DICER1: variants seen among roughly 807,000 people sequenced by gnomAD.
DICER1 encodes the protein endoribonuclease Dicer.
A neutral mutation model predicts 194.1 loss-of-function variants in DICER1; 43 were observed. The ratio of observed to expected loss-of-function variants is 0.22; its 90% CI spans 0.17 to 0.29. The LOEUF is 0.29. Ranked by LOEUF, DICER1 falls within the 10% of genes least tolerant of loss-of-function variation. The probability of loss-of-function intolerance (pLI) is 1.00; values close to 1 mark genes in which losing one functional copy is unlikely to be tolerated. For missense variants in DICER1, 1,608 were observed against 2,317.0 expected (o/e 0.69, Z 6.28); for synonymous variants, 832 against 820.5 (o/e 1.01, Z -0.24).
intron 21 of DICER1, among the ~76,000 whole-genome samples, chr14:95,101,274 A>G (rs1416741974): frequency 4.6e-5 from 7 of 152,346 alleles, no homozygotes; most frequent in African/African-American, 1.7e-4. Flanking sequence ...AAGGGCCTGA[A>G]CAGCAGGCTG....
chr14:95,126,936 A>G (rs931293207), intron 6 of DICER1, among the ~76,000 whole-genome samples, 188 bp from the exon 7 acceptor site: 2 of 152,032 alleles, frequency 1.3e-5, no homozygotes, highest in Non-Finnish European at 2.9e-5. Context: ...CATATTTCTC[A>G]ACAGTAAATA....
At chr14:95,109,711 T>C (rs1242157334) in intron 14 of DICER1, among the ~76,000 whole-genome samples, 1 of 152,168 alleles carries the variant, frequency 6.6e-6, no homozygotes, top group Non-Finnish European at 1.5e-5. Flanking sequence ...TTTTATAAAG[T>C]AAAAACTTGG....
At chr14:95,112,295 A>C in intron 12 of DICER1, 48 bp from the exon 13 acceptor site, 1 of 1,458,332 alleles carries the variant, frequency 6.9e-7, no homozygotes, top group South Asian at 1.1e-5. Context: ...TCGCTGTATT[A>C]CCTCTAGCAC....
chr14:95,131,668 A>T, intron 3 of DICER1, 29 bp from the exon 4 acceptor site: 1 of 1,609,658 alleles, frequency 6.2e-7, no homozygotes, highest in Non-Finnish European at 8.5e-7. Flanking sequence ...CTCCATGTAA[A>T]TATGAGAAAT....
In DICER1 at chr14:95,106,060, C is replaced by T. The variant is rs1443445976; in HGVS notation, c.2968G>A (p.Val990Met). Reference sequence around the variant, plus strand: ...CCTTACCTTGAAGATGTGTGGTCCACATCCAGCAGTGGCTGGTTGAGATTG... The same window carrying T: ...CCTTACCTTGAAGATGTGTGGTCCATATCCAGCAGTGGCTGGTTGAGATTG... ...LTNLNQPLLD[V>M]DHTSSRLNLL... The change falls in exon 18 of 27, where the codon GTG (valine) becomes ATG (methionine). Residue 990 changes from valine (V) to methionine (M), a missense_variant. Val to Met is a conservative substitution (Grantham distance 21). Transcript: ENST00000343455. 3 of 1,614,074 alleles carry T rather than the reference C, an allele frequency of 1.9e-6. No homozygotes were observed. Among genetic ancestry groups the T allele is most frequent in the Admixed American group, 1.7e-5 (1 of 60,008 alleles).
At chr14:95,111,901 G>A (rs751930367) in intron 13 of DICER1, among the ~76,000 whole-genome samples, 2 of 152,142 alleles carry the variant, frequency 1.3e-5, no homozygotes, top group South Asian at 4.2e-4. Flanking sequence ...CAACAATTAC[G>A]AAAAGACCTT....
At chr14:95,152,696 T>C (rs2140465054) in intron 1 of DICER1, among the ~76,000 whole-genome samples, 1 of 152,362 alleles carries the variant, frequency 6.6e-6, no homozygotes, top group South Asian at 2.1e-4. Context: ...AAAATGCATA[T>C]TGAGGTAACT....
At position 95,108,387 on chromosome 14, in the gene DICER1, C is replaced by T. The variant is rs2140032173; in HGVS notation, c.2373G>A (p.Lys791=). 1 of 1,614,046 alleles carries T rather than the reference C, an allele frequency of 6.2e-7. No individual in the cohort carries two copies. Among genetic ancestry groups the T allele is most frequent in the Non-Finnish European group, 8.5e-7 (1 of 1,180,012 alleles). The change falls in exon 15 of 27, where the codon AAG becomes AAA. Residue 791 remains lysine (K), a synonymous_variant. Transcript: ENST00000343455. Reference sequence around the variant, plus strand: ...TTGTGGTATCTTCAGGAGGATAGAGCTTCCGCCTTCTAAAGTTGAGTTCAT... The same window carrying T: ...TTGTGGTATCTTCAGGAGGATAGAGTTTCCGCCTTCTAAAGTTGAGTTCAT... ...LPDELNFRRR[K]LYPPEDTTRC...
In DICER1 at chr14:95,090,427, T is replaced by A; in HGVS notation, c.*71A>T. On this transcript the variant is annotated 3_prime_UTR_variant, in exon 27 of 27. Coordinates refer to ENST00000343455, the MANE Select transcript of DICER1 (RefSeq NM_177438.3). ...ACTCACTAACAACTTTAAGTCTTCC[T>A]TTCCGATTTAAATAATTTTCCCCTT... 6.4e-7 allele frequency: 1 copy of A among 1,563,002 alleles called. No homozygotes were observed. The highest frequency in any genetic ancestry group is 8.8e-7 in the Non-Finnish European group (1 of 1,136,216).
chr14:95,133,508 A>G lies in DICER1; in HGVS notation c.-45-5T>C. 1 of 1,563,256 alleles carries G rather than the reference A, an allele frequency of 6.4e-7. No homozygotes were observed. The highest frequency in any genetic ancestry group is 2.3e-5 in the East Asian group (1 of 42,800). ...TTTTTGTTCTAGCACAGCTTACTACAAAAGGGAAAAAGAATACCATTACAC... is the reference window on the plus strand; with the variant it reads ...TTTTTGTTCTAGCACAGCTTACTACGAAAGGGAAAAAGAATACCATTACAC... On this transcript the variant is annotated splice_region_variant and splice_polypyrimidine_tract_variant and intron_variant, in intron 1 of 26. Coordinates refer to ENST00000343455, the MANE Select transcript of DICER1 (RefSeq NM_177438.3).
intron 20 of DICER1, among the ~76,000 whole-genome samples, chr14:95,104,787 T>C (rs757835737): frequency 6.6e-6 from 1 of 152,210 alleles, no homozygotes; most frequent in Non-Finnish European, 1.5e-5. Context: ...GCTATTGCTT[T>C]TTAACATATA....
chr14:95,116,620 G>A lies in DICER1; in HGVS notation c.1585C>T (p.Pro529Ser), dbSNP rs2140125325. 1 of 1,613,596 alleles carries A rather than the reference G, an allele frequency of 6.2e-7. No homozygotes were observed. The highest frequency in any genetic ancestry group is 8.5e-7 in the Non-Finnish European group (1 of 1,179,890). ...TSIVEEGVDI[P>S]KCNLVVRFDL... ...AAACGAACCACCAAGTTGCATTTTG[G>A]TATATCAACACCCTCTTCTACAATA... Residue 529 changes from proline to serine, a missense_variant, in exon 10 of 27, where the codon CCA becomes TCA. Pro to Ser is a moderately conservative substitution (Grantham distance 74). Around this residue, in one of 10 missense-constraint regions of DICER1, gnomAD observed 657 missense variants for 910.1 expected, o/e 0.72. Coordinates refer to ENST00000343455, the MANE Select transcript of DICER1 (RefSeq NM_177438.3).
chr14:95,115,584 T>C (rs978937883), intron 11 of DICER1, 83 bp downstream of exon 11: 5 of 1,486,120 alleles, frequency 3.4e-6, no homozygotes, highest in Non-Finnish European at 4.7e-6. Flanking sequence ...AACCGCAAAA[T>C]GTCAACAATA....
chr14:95,093,270 T>C (rs958932776), intron 24 of DICER1, among the ~76,000 whole-genome samples: 4 of 152,232 alleles, frequency 2.6e-5, no homozygotes, highest in Middle Eastern at 6.8e-3. Flanking sequence ...CAGATGAATG[T>C]TAAGAGACTG....
At chr14:95,127,920 C>A (rs544562446) in intron 6 of DICER1, among the ~76,000 whole-genome samples, 4 of 152,214 alleles carry the variant, frequency 2.6e-5, no homozygotes, top group African/African-American at 9.6e-5. Flanking sequence ...TCAATCACTT[C>A]GCAGAAGCGG....
chr14:95,105,528 AC>A lies in DICER1; in HGVS notation c.3093+149del. ...CATTCAACACATAATACTAATTAAAACAAAACAAAACAAAATTTGAGGATTA... is the reference window on the plus strand; with the variant it reads ...CATTCAACACATAATACTAATTAAAAAAAACAAAACAAAATTTGAGGATTA... On this transcript the variant is annotated intron_variant, in intron 19 of 26. Coordinates refer to ENST00000343455, the MANE Select transcript of DICER1 (RefSeq NM_177438.3). This position sits in a 1 kb window ranked among gnomAD's most constrained non-coding sequence, Gnocchi z 4.9. 1.3e-6 allele frequency: 1 copy of A among 744,376 alleles called. No homozygotes were observed. Among genetic ancestry groups the A allele is most frequent in the Non-Finnish European group, 2.3e-6 (1 of 437,586 alleles). 46.1% of individuals were successfully genotyped at this position (744,376 alleles called of 1,614,324 possible). A position where few individuals can be genotyped will look rare whatever the true frequency, so the allele number is the denominator to read the frequency against.
intron 1 of DICER1, among the ~76,000 whole-genome samples, chr14:95,144,867 C>T (rs747390392): frequency 6.6e-6 from 1 of 152,172 alleles, no homozygotes; most frequent in Non-Finnish European, 1.5e-5. Context: ...TAAACTCCCC[C>T]TTCTTCTACA....
chr14:95,103,424 C>T lies in DICER1; in HGVS notation c.3972G>A (p.Lys1324=), dbSNP rs45562437. The T allele has an allele frequency of 2.5e-3, 3,979 of 1,614,184 alleles. 8 individuals carry two copies. Among genetic ancestry groups the T allele is most frequent in the South Asian group, 5.6e-3 (509 of 91,084 alleles). The change falls in exon 21 of 27, where the codon AAG becomes AAA. Residue 1324 remains lysine, a synonymous_variant. Coordinates refer to ENST00000343455, the MANE Select transcript of DICER1 (RefSeq NM_177438.3). The part of the protein sequence containing the change: ...RLEMLGDSFL[K]HAITTYLFCT... ...AAAATAGATATGTGGTGATGGCATG[C>T]TTTAAAAAGGAGTCGCCAAGCATTT...
At chr14:95,126,808 A>G (rs1160821165) in intron 6 of DICER1, 60 bp from the exon 7 acceptor site, 4 of 1,151,512 alleles carry the variant, frequency 3.5e-6, no homozygotes, top group African/African-American at 3.2e-5. Flanking sequence ...ATTTAAAAAA[A>G]GTTTTTCAAA....
Sources: gnomAD v4.1 joint callset for allele counts (sites outside exome capture counted in the v4.1 genomes callset) on GRCh38, gnomAD v4.1.1 for gene constraint, gnomAD v4.1.1 regional missense constraint, Gnocchi (gnomAD v3.1) non-coding constraint, MANE v1.5 for transcripts, NCBI Gene and HGNC (gene_info 2026-07-23, HGNC 2026-07-21) for gene names.